The following ANGPT1 variants were observed in gnomAD, a reference collection of about 807,000 sequenced individuals.
ANGPT1 encodes angiopoietin-1.
Under a neutral mutation model 62.2 loss-of-function variants are expected in ANGPT1, and 17 were observed. That is an observed-to-expected ratio of 0.27 (90% CI 0.19 to 0.41). The LOEUF is 0.41. Among genes scored for constraint, ANGPT1 ranks in the 10% least tolerant of loss-of-function variants. The pLI, the probability that ANGPT1 is intolerant of heterozygous loss-of-function variation, is 1.00. For synonymous variants in ANGPT1, 199 were observed against 198.9 expected (o/e 1.00, Z 0.00); for missense variants, 478 against 594.9 (o/e 0.80, Z 2.04).
rs145420471 is a variant in ANGPT1, at chr8:107,400,748, C to T, written c.298-53651G>A. 5.6e-3 allele frequency among the ~76,000 whole-genome samples: 855 copies of T among 152,022 alleles called. 8 individuals carry two copies. The highest frequency in any genetic ancestry group is 0.019 in the African/African-American group (808 of 41,474). On this transcript the variant is annotated intron_variant, in intron 1 of 8. Transcript: ENST00000517746. ...CTAATTTCTGTATTTTTAGTAAAGA[C>T]GGGTTTTCACCATATTGGTCAGGCT...
At chr8:107,443,646 T>TAA (rs548442338) in intron 1 of ANGPT1, among the ~76,000 whole-genome samples, 275 of 135,528 alleles carry the variant, frequency 2.0e-3, no homozygotes, top group African/African-American at 5.0e-3. Context: ...CCGTCTCTAC[T>TAA]AAAAAAAAAA....
At chr8:107,385,407 G>A (rs141882453) in intron 1 of ANGPT1, among the ~76,000 whole-genome samples, 56 of 152,054 alleles carry the variant, frequency 3.7e-4, no homozygotes, top group African/African-American at 8.2e-4. Context: ...GAATAGGACC[G>A]CATTCTTGAT....
intron 3 of ANGPT1, among the ~76,000 whole-genome samples, chr8:107,326,179 C>T (rs1395458917): frequency 1.3e-5 from 2 of 151,958 alleles, no homozygotes; most frequent in African/African-American, 4.8e-5. Flanking sequence ...AGAGACTGTC[C>T]ATGGAACTAA....
At chr8:107,270,880 A>G (rs1161081797) in intron 7 of ANGPT1, among the ~76,000 whole-genome samples, 1 of 152,070 alleles carries the variant, frequency 6.6e-6, no homozygotes, top group Non-Finnish European at 1.5e-5. Context: ...TGTGAGTAGG[A>G]AGACTAAAAG....
intron 7 of ANGPT1, among the ~76,000 whole-genome samples, chr8:107,265,783 A>G (rs1188307719): frequency 6.6e-6 from 1 of 152,194 alleles, no homozygotes. Context: ...AAAACATTAC[A>G]TTATTATGAA....
chr8:107,493,664 A>AT (rs1479190855), intron 1 of ANGPT1, among the ~76,000 whole-genome samples: 4 of 150,492 alleles, frequency 2.7e-5, no homozygotes, highest in Admixed American at 6.7e-5. Context: ...TAATGCATTC[A>AT]TTTTTTCATT....
chr8:107,331,843 A>C (rs140317572), intron 3 of ANGPT1, among the ~76,000 whole-genome samples: 2 of 152,142 alleles, frequency 1.3e-5, no homozygotes, highest in Non-Finnish European at 1.5e-5. Flanking sequence ...TTCACTCTGC[A>C]TACTCAGCAC....
intron 8 of ANGPT1, 47 bp downstream of exon 8, chr8:107,264,174 C>A: frequency 6.3e-7 from 1 of 1,581,390 alleles, no homozygotes; most frequent in Non-Finnish European, 8.6e-7. Context: ...AACCTTAAGC[C>A]CCAAACCAAT....
At chr8:107,303,637 T>C (rs1814648215) in intron 4 of ANGPT1, among the ~76,000 whole-genome samples, 1 of 151,788 alleles carries the variant, frequency 6.6e-6, no homozygotes, top group Non-Finnish European at 1.5e-5. Flanking sequence ...CTATGTATCC[T>C]TTCCAAAACA....
chr8:107,309,119 CCTTT>C (rs1814790231), intron 4 of ANGPT1, among the ~76,000 whole-genome samples: 4 of 152,124 alleles, frequency 2.6e-5, no homozygotes. Flanking sequence ...AAGCCAAAGC[CCTTT>C]CTCTTACCCA....
intron 1 of ANGPT1, among the ~76,000 whole-genome samples, chr8:107,496,009 T>A (rs994965485): frequency 3.9e-5 from 6 of 152,194 alleles, no homozygotes; most frequent in Non-Finnish European, 7.3e-5. Context: ...TGGACAAAAG[T>A]AGAATAACTA....
rs142095675 is a variant in ANGPT1 at position 107,263,921 on chromosome 8, G to C, written c.1336+300C>G. ...CCCAAACTATTGTTCATTTTACTAA[G>C]GATATCAAGATACTAATTTAGAAAG... On this transcript the variant is annotated intron_variant, in intron 8 of 8. Transcript: ENST00000517746. 2.5e-3 allele frequency among the ~76,000 whole-genome samples: 384 copies of C among 152,162 alleles called. 2 individuals are homozygous for C. The highest frequency in any genetic ancestry group is 8.9e-3 in the African/African-American group (371 of 41,512).
intron 1 of ANGPT1, among the ~76,000 whole-genome samples, chr8:107,381,090 T>C (rs1816627991): frequency 6.6e-6 from 1 of 152,210 alleles, no homozygotes; most frequent in Non-Finnish European, 1.5e-5. Context: ...CATCTCCTAG[T>C]GGGCAGCTCT....
At chr8:107,339,352 C>A (rs1239529288) in intron 2 of ANGPT1, among the ~76,000 whole-genome samples, 1 of 152,148 alleles carries the variant, frequency 6.6e-6, no homozygotes, top group East Asian at 1.9e-4. Flanking sequence ...GAACCCTGTT[C>A]ACTTCTTGTT....
At position 107,468,662 on chromosome 8, in the gene ANGPT1, A is replaced by C. The variant is rs550641907; in HGVS notation, c.297+28600T>G. 8.5e-5 allele frequency among the ~76,000 whole-genome samples: 13 copies of C among 152,186 alleles called. No individual in the cohort carries two copies. In the South Asian group the frequency reaches 1.0e-3, roughly 12 times the overall value. On this transcript the variant is annotated intron_variant, in intron 1 of 8. Transcript: ENST00000517746. ...TATATTCATACCACAACTGAAAGAA[A>C]ATTTTATACAAAGTATGGCAATAGA...
At chr8:107,486,117 A>G (rs1402923506) in intron 1 of ANGPT1, among the ~76,000 whole-genome samples, 3 of 152,212 alleles carry the variant, frequency 2.0e-5, no homozygotes, top group African/African-American at 7.2e-5. Flanking sequence ...TGTGAAACAG[A>G]ACTTGAGAAA....
At chr8:107,395,880 G>T (rs767732595) in intron 1 of ANGPT1, among the ~76,000 whole-genome samples, 1 of 152,096 alleles carries the variant, frequency 6.6e-6, no homozygotes, top group Non-Finnish European at 1.5e-5. Flanking sequence ...AGACACTGGG[G>T]ATAAAAGAAT....
intron 1 of ANGPT1, among the ~76,000 whole-genome samples, chr8:107,441,175 T>C (rs975488133): frequency 6.6e-6 from 1 of 152,196 alleles, no homozygotes; most frequent in Non-Finnish European, 1.5e-5. Context: ...ACACAGCTTA[T>C]AATTAAGTAA....
At chr8:107,487,535 G>A (rs1041381680) in intron 1 of ANGPT1, among the ~76,000 whole-genome samples, 19 of 147,678 alleles carry the variant, frequency 1.3e-4, no homozygotes, top group African/African-American at 2.2e-4. Flanking sequence ...GCGGCCGTGC[G>A]TCATTCATCT....
Sources: gnomAD v4.1 joint callset for allele counts (sites outside exome capture counted in the v4.1 genomes callset) on GRCh38, gnomAD v4.1.1 for gene constraint, MANE v1.5 for transcripts, NCBI Gene and HGNC (gene_info 2026-07-23, HGNC 2026-07-21) for gene names.